The following TMCO4 variants were observed in gnomAD, a reference collection of about 807,000 sequenced individuals.
TMCO4 encodes the protein transmembrane and coiled-coil domains 4.
TMCO4 carries 58 observed loss-of-function variants against 64.7 expected under a neutral mutation model. The observed-to-expected ratio is 0.90, with a 90% CI of 0.73 to 1.12. TMCO4 has a LOEUF of 1.12. TMCO4 is among the 50% of genes most tolerant of loss of function. TMCO4 has a pLI of 0.00. For missense variants in TMCO4, 780 were observed against 825.9 expected (o/e 0.94, Z 0.68); for synonymous variants, 325 against 346.1 (o/e 0.94, Z 0.68).
Position 19,780,578 on chromosome 1 carries a change from A to C in TMCO4, c.179+2T>G. ...TTCCCACTGCAAGACAGAAGAACTC[A>C]CCTGTGTTCGGGTTCAGGAAATAAC... On this transcript the variant is annotated splice_donor_variant, in intron 4 of 15. Coordinates refer to ENST00000294543, the MANE Select transcript of TMCO4 (RefSeq NM_181719.7). LOFTEE classifies it high-confidence loss of function. 1 of 1,591,650 alleles carries C rather than the reference A, an allele frequency of 6.3e-7. No individual in the cohort carries two copies. The highest frequency in any genetic ancestry group is 8.5e-7 in the Non-Finnish European group (1 of 1,169,668).
rs528065337 is a variant in TMCO4, at chr1:19,731,997, G to A, written c.1264+5375C>T. ...AGATCTTGCATCAGAGAGATCTCCC[G>A]TCCAGCTGGAGCTGCTGTGAAGGCC... On this transcript the variant is annotated intron_variant, in intron 13 of 15. Transcript: ENST00000294543. 3.7e-4 allele frequency among the ~76,000 whole-genome samples: 57 copies of A among 152,308 alleles called. 1 individual carries two copies. In the East Asian group the frequency reaches 0.01, roughly 27 times the overall value.
chr1:19,733,684 C>T (rs541979512), intron 13 of TMCO4, among the ~76,000 whole-genome samples: 95 of 152,244 alleles, frequency 6.2e-4, no homozygotes, highest in African/African-American at 2.3e-3. Context: ...TGTGTACCTC[C>T]AGGTGACAAT....
chr1:19,790,311 G>A (rs1200334488), intron 2 of TMCO4, among the ~76,000 whole-genome samples: 3 of 152,080 alleles, frequency 2.0e-5, no homozygotes, highest in African/African-American at 7.2e-5. Flanking sequence ...AGCAAAAACT[G>A]ACAAATGGGA....
At chr1:19,775,738 GAATT>G (rs1216672281) in intron 4 of TMCO4, among the ~76,000 whole-genome samples, 2 of 152,172 alleles carry the variant, frequency 1.3e-5, no homozygotes, top group Non-Finnish European at 2.9e-5. Flanking sequence ...TTGATCAATG[GAATT>G]AATTAAAGGG....
At chr1:19,685,626 T>C (rs11581887) in intron 15 of TMCO4, among the ~76,000 whole-genome samples, 168 of 151,962 alleles carry the variant, frequency 1.1e-3, no homozygotes, top group African/African-American at 3.9e-3. Flanking sequence ...GTAGATGAAA[T>C]TGAGCCACAC....
In TMCO4 at chr1:19,700,865, C is replaced by A; in HGVS notation, c.1285G>T (p.Asp429Tyr). 1 of 1,614,216 alleles carries A rather than the reference C, an allele frequency of 6.2e-7. No homozygotes were observed. The highest frequency in any genetic ancestry group is 8.5e-7 in the Non-Finnish European group (1 of 1,180,028). ...QEKDCQGIIEDVILLGAPVEG... is the reference protein window; with the variant it reads ...QEKDCQGIIEYVILLGAPVEG... ...ACAGGCGCACCCAGCAGGATGACGT[C>A]CTCGATGATTCCTTGGCAATCTGGC... Residue 429 changes from aspartate to tyrosine, a missense_variant, in exon 14 of 16, where the codon GAC (aspartate) becomes TAC (tyrosine). Asp to Tyr is a radical substitution (Grantham distance 160). Coordinates refer to ENST00000294543, the MANE Select transcript of TMCO4 (RefSeq NM_181719.7).
chr1:19,683,121 G>A lies in TMCO4; in HGVS notation c.1824C>T (p.Cys608=), dbSNP rs2095115597. 6.2e-7 allele frequency: 1 copy of A among 1,613,526 alleles called. No individual in the cohort carries two copies. Among genetic ancestry groups the A allele is most frequent in the East Asian group, 2.2e-5 (1 of 44,880 alleles). The change falls in exon 16 of 16, where the codon TGC becomes TGT. Residue 608 remains cysteine (C), a synonymous_variant. Transcript: ENST00000294543. The stretch of plus-strand genomic sequence containing the variant: ...GTGGGTTGGGGTCCATGCCATGGCT[G>A]CAGATGGGGGGCCTTTCAGGGCTGG... ...AAASPERPPI[C]SHGMDPNPLG...
chr1:19,696,578 A>T (rs2095238832), intron 14 of TMCO4, among the ~76,000 whole-genome samples: 1 of 151,098 alleles, frequency 6.6e-6, no homozygotes, highest in Non-Finnish European at 1.5e-5. Flanking sequence ...AAACTAAAAT[A>T]AAAAAAATTA....
intron 4 of TMCO4, among the ~76,000 whole-genome samples, chr1:19,779,329 A>G (rs1266445): frequency 0.012 from 1,875 of 152,160 alleles, 42 homozygotes; most frequent in African/African-American, 0.043. Context: ...AGTCAACTCC[A>G]TTCTCCCTGA....
At position 19,700,846 on chromosome 1, in the gene TMCO4, G is replaced by A. The variant is rs148753333; in HGVS notation, c.1304C>T (p.Ala435Val). 79 of 1,614,068 alleles carry A rather than the reference G, an allele frequency of 4.9e-5. No homozygotes were observed. The African/African-American group carries it at 8.3e-4, about 17-fold the overall frequency. ...GIIEDVILLG[A>V]PVEGEAKHWE... ...ATGCTTGGCTTCTCCCTCCACAGGC[G>A]CACCCAGCAGGATGACGTCCTCGAT... The change falls in exon 14 of 16, where the codon GCG becomes GTG. Residue 435 changes from alanine to valine, a missense_variant. Physicochemically the swap from Ala to Val is moderately conservative, Grantham distance 64. Transcript: ENST00000294543.
Position 19,753,192 on chromosome 1 carries a change from T to C in TMCO4, c.515+2442A>G, listed in dbSNP as rs77852508. 1.9e-3 allele frequency among the ~76,000 whole-genome samples: 287 copies of C among 152,208 alleles called. 8 individuals carry two copies. The East Asian group carries it at 0.05, about 26-fold the overall frequency. Reference sequence around the variant, plus strand: ...TCAGGCTGGTCTCGAACTCCTGACCTCTGGTGATCCACCCGCCTCAGCCTC... The same window carrying C: ...TCAGGCTGGTCTCGAACTCCTGACCCCTGGTGATCCACCCGCCTCAGCCTC... On this transcript the variant is annotated intron_variant, in intron 7 of 15. Transcript: ENST00000294543.
intron 2 of TMCO4, among the ~76,000 whole-genome samples, 157 bp from the exon 3 acceptor site, chr1:19,787,274 G>A (rs536568503): frequency 1.3e-5 from 2 of 152,352 alleles, no homozygotes; most frequent in South Asian, 2.1e-4. Flanking sequence ...GTTCCTTGAC[G>A]TGGGGTGCTC....
chr1:19,749,639 A>C (rs2041939273), intron 7 of TMCO4, among the ~76,000 whole-genome samples: 1 of 152,182 alleles, frequency 6.6e-6, no homozygotes, highest in Non-Finnish European at 1.5e-5. Context: ...AAGTGCTGGG[A>C]CTACAGGTGT....
At chr1:19,795,015 G>A (rs560480715) in intron 2 of TMCO4, among the ~76,000 whole-genome samples, 9 of 152,298 alleles carry the variant, frequency 5.9e-5, no homozygotes, top group Middle Eastern at 3.4e-3. Flanking sequence ...GAGGGAAGTG[G>A]TTGTTTAATG....
At chr1:19,758,688 C>T (rs1409256524) in intron 6 of TMCO4, among the ~76,000 whole-genome samples, 1 of 152,162 alleles carries the variant, frequency 6.6e-6, no homozygotes, top group African/African-American at 2.4e-5. Flanking sequence ...GTCTAGAAGG[C>T]AGTAGGGAGG....
intron 3 of TMCO4, among the ~76,000 whole-genome samples, chr1:19,784,632 G>T (rs199897985): frequency 6.6e-6 from 1 of 151,984 alleles, no homozygotes; most frequent in Non-Finnish European, 1.5e-5. Flanking sequence ...TCTACATAGT[G>T]GCCTCAGTGA....
chr1:19,752,543 TTC>T (rs1327837162), intron 7 of TMCO4, among the ~76,000 whole-genome samples: 1 of 152,226 alleles, frequency 6.6e-6, no homozygotes. Context: ...CACCACCACC[TTC>T]TGTTTTTAAA....
intron 7 of TMCO4, among the ~76,000 whole-genome samples, chr1:19,748,715 C>T (rs2041897303): frequency 6.6e-6 from 1 of 152,168 alleles, no homozygotes; most frequent in Non-Finnish European, 1.5e-5. Context: ...ATTCCAGCTA[C>T]TCAGGAGGCT....
At chr1:19,726,055 TG>T (rs2095407528) in intron 13 of TMCO4, among the ~76,000 whole-genome samples, 1 of 152,176 alleles carries the variant, frequency 6.6e-6, no homozygotes, top group African/African-American at 2.4e-5. Context: ...GCTCCTAACA[TG>T]TACTGGGCAC....
Sources: gnomAD v4.1 joint callset for allele counts (sites outside exome capture counted in the v4.1 genomes callset) on GRCh38, gnomAD v4.1.1 for gene constraint, MANE v1.5 for transcripts, NCBI Gene and HGNC (gene_info 2026-07-23, HGNC 2026-07-21) for gene names.